Variants in CAPN2 observed in about 807,000 individuals in gnomAD.
The protein encoded by CAPN2 is calpain-2 catalytic subunit.
Under a neutral mutation model 102.3 loss-of-function variants are expected in CAPN2, and 92 were observed. That is an observed-to-expected ratio of 0.90 (90% CI 0.76 to 1.07). The LOEUF (loss-of-function observed/expected upper bound fraction) is 1.07. Among genes scored for constraint, CAPN2 ranks in the 50% least tolerant of loss-of-function variants. The pLI is 0.00. For missense variants in CAPN2, 800 were observed against 909.4 expected, an observed-to-expected ratio of 0.88 and a Z score of 1.55; for synonymous variants, 340 against 355.4, an observed-to-expected ratio of 0.96 and a Z score of 0.49.
At chr1:223,736,495 G>A (rs980934613) in intron 2 of CAPN2, among the ~76,000 whole-genome samples, 1 of 152,208 alleles carries the variant, frequency 6.6e-6, no homozygotes, top group African/African-American at 2.4e-5. Flanking sequence ...CATTTGGGAA[G>A]GTGGAAAATC....
At chr1:223,751,113 C>T (rs1660878869) in intron 7 of CAPN2, 138 bp downstream of exon 7, 1 of 781,690 alleles carries the variant, frequency 1.3e-6, no homozygotes, top group Non-Finnish European at 2.1e-6. Flanking sequence ...TGGACAGGGA[C>T]CCGTGGACAG....
At chr1:223,707,601 T>C (rs777712025), upstream of CAPN2, among the ~76,000 whole-genome samples, 6 of 152,158 alleles carry the variant, frequency 3.9e-5, no homozygotes, top group Non-Finnish European at 5.9e-5. Context: ...ATTGTATGTG[T>C]TTGCAATTAA....
rs907998136 is a variant in CAPN2 at position 223,716,272 on chromosome 1, G to A, written c.238-1490G>A. Reference sequence around the variant, plus strand: ...CTAAAGGCATTAGAAAGTTTCTGAAGTATAATGGAAAAACCCTGCTGGAGT... The same window carrying A: ...CTAAAGGCATTAGAAAGTTTCTGAAATATAATGGAAAAACCCTGCTGGAGT... On this transcript the variant is annotated intron_variant, in intron 1 of 20. Transcript: ENST00000295006. Among the ~76,000 whole-genome samples the A allele has an allele frequency of 7.2e-5, 11 of 152,216 alleles. No individual in the cohort carries two copies. The South Asian group carries it at 1.2e-3, about 17-fold the overall frequency.
At chr1:223,765,237 A>G (rs1542507) in intron 15 of CAPN2, among the ~76,000 whole-genome samples, 2,747 of 152,268 alleles carry the variant, frequency 0.018, 78 homozygotes, top group East Asian at 0.11. Context: ...GATAAAATAA[A>G]TCTGCCTTTC....
In CAPN2 at chr1:223,726,922, C is replaced by T. The variant is rs998018760; in HGVS notation, c.307+9091C>T. Among the ~76,000 whole-genome samples, 2 of 152,280 alleles carry T rather than the reference C, an allele frequency of 1.3e-5. No individual in the cohort carries two copies. Among genetic ancestry groups the T allele is most frequent in the South Asian group, 2.1e-4 (1 of 4,828 alleles). The stretch of plus-strand genomic sequence containing the variant: ...CCCTCTCGCAGGCCTAGCACGCTGG[C>T]GGGGTGTGCATTTCCTCTAGAGAAG... On this transcript the variant is annotated intron_variant, in intron 2 of 20. Transcript: ENST00000295006. This position sits in a 1 kb window ranked among gnomAD's most constrained non-coding sequence, Gnocchi z 4.4.
chr1:223,771,628 C>CAAAAG (rs1661472825), intron 18 of CAPN2, 181 bp from the exon 19 acceptor site: 1 of 597,918 alleles, frequency 1.7e-6, no homozygotes. Context: ...AGTTCAAAAA[C>CAAAAG]AAAAGAAACA....
At chr1:223,774,539 C>A (rs976904410) in intron 20 of CAPN2, among the ~76,000 whole-genome samples, 151 of 152,344 alleles carry the variant, frequency 9.9e-4, no homozygotes, top group Admixed American at 1.1e-3. Flanking sequence ...TGATGTGATA[C>A]TCTGAGGCAG....
rs1194108488 is a variant in CAPN2, at chr1:223,727,818, C to T, written c.307+9987C>T. Among the ~76,000 whole-genome samples, 1 of 152,162 alleles carries T rather than the reference C, an allele frequency of 6.6e-6. No homozygotes were observed. Among genetic ancestry groups the T allele is most frequent in the African/African-American group, 2.4e-5 (1 of 41,420 alleles). On this transcript the variant is annotated intron_variant, in intron 2 of 20. Coordinates refer to ENST00000295006, the MANE Select transcript of CAPN2 (RefSeq NM_001748.5). The surrounding 1 kb of genome is among the most constrained non-coding windows in gnomAD (Gnocchi z 4.1). The stretch of plus-strand genomic sequence containing the variant: ...AACACAGCAAAGGAGGAGAAGGGCC[C>T]TCCCTGCTTCTTGGAGAATGGTTCC...
intron 17 of CAPN2, 118 bp downstream of exon 17, chr1:223,770,027 C>G: frequency 1.1e-6 from 1 of 907,396 alleles, no homozygotes; most frequent in Non-Finnish European, 1.8e-6. Context: ...GGGATTTTAC[C>G]CATAATGAAG....
chr1:223,714,379 C>T (rs1466385844), intron 1 of CAPN2, among the ~76,000 whole-genome samples: 1 of 152,168 alleles, frequency 6.6e-6, no homozygotes, highest in Non-Finnish European at 1.5e-5. Context: ...ATGCCAGGCA[C>T]TGTCCTGAGA....
intron 16 of CAPN2, among the ~76,000 whole-genome samples, chr1:223,766,827 G>T (rs1429240901): frequency 6.6e-6 from 1 of 152,150 alleles, no homozygotes; most frequent in Non-Finnish European, 1.5e-5. Flanking sequence ...GGGTGTGGTG[G>T]CGGGCACCTG....
At chr1:223,760,433 C>T (rs984384965) in intron 12 of CAPN2, among the ~76,000 whole-genome samples, 8 of 152,138 alleles carry the variant, frequency 5.3e-5, no homozygotes, top group Non-Finnish European at 7.4e-5. Flanking sequence ...TTTCCCATGG[C>T]GAAGGGAGAC....
intron 2 of CAPN2, among the ~76,000 whole-genome samples, chr1:223,723,654 C>T (rs1189771213): frequency 3.3e-5 from 5 of 152,026 alleles, no homozygotes; most frequent in East Asian, 1.9e-4. Flanking sequence ...CTCTTGCCTT[C>T]GTGCATCTAA....
In CAPN2 at chr1:223,712,620, T is replaced by C. The variant is rs755661427; in HGVS notation, c.-21T>C. On this transcript the variant is annotated 5_prime_UTR_variant, in exon 1 of 21. Coordinates refer to ENST00000295006, the MANE Select transcript of CAPN2 (RefSeq NM_001748.5). ...GTCGCCCCGACCTTTCTCTGCGCAG[T>C]ACGGCCGCCGGGACCGCAGCATGGC... The C allele has an allele frequency of 2.0e-6, 3 of 1,507,694 alleles. No individual in the cohort carries two copies. In the South Asian group the frequency reaches 3.7e-5, roughly 19 times the overall value. The allele number at this position is 1,507,694 out of a possible 1,614,324, so 93.4% of individuals were successfully genotyped here.
chr1:223,746,477 T>TTTTTTTTTTTTTC (rs1409719246), intron 4 of CAPN2, among the ~76,000 whole-genome samples: 57 of 137,284 alleles, frequency 4.2e-4, no homozygotes, highest in Admixed American at 8.7e-4. Flanking sequence ...ACGAGAATCT[T>TTTTTTTTTTTTTC]TTTTTTTTTT....
rs776355445 is a variant in CAPN2, at chr1:223,759,373, G to A, written c.1421G>A (p.Arg474His). 6.8e-6 allele frequency: 11 copies of A among 1,614,182 alleles called. No homozygotes were observed. The highest frequency in any genetic ancestry group is 6.7e-5 in the East Asian group (3 of 44,876). Reference protein sequence around the residue: ...TFINLREVLNRFKLPPGEYIL... With the variant: ...TFINLREVLNHFKLPPGEYIL... ...ATCAACCTCCGGGAGGTGCTCAACCGCTTCAAGCTGCCGCCAGGAGAGTAC... is the reference window on the plus strand; with the variant it reads ...ATCAACCTCCGGGAGGTGCTCAACCACTTCAAGCTGCCGCCAGGAGAGTAC... The change falls in exon 12 of 21, where the codon CGC becomes CAC. Residue 474 changes from arginine (R) to histidine (H), a missense_variant. Transcript: ENST00000295006. This position sits in a 1 kb window ranked among gnomAD's most constrained non-coding sequence, Gnocchi z 4.6.
intron 1 of CAPN2, among the ~76,000 whole-genome samples, chr1:223,702,434 A>AC (rs1279571095): frequency 1.3e-5 from 2 of 151,266 alleles, no homozygotes; most frequent in East Asian, 3.9e-4. Context: ...CTAAAAAAAC[A>AC]AAAAAAAAGA....
chr1:223,719,005 C>T (rs1002385622), intron 2 of CAPN2, among the ~76,000 whole-genome samples: 1 of 124,078 alleles, frequency 8.1e-6, no homozygotes, highest in Admixed American at 7.4e-5. Flanking sequence ...GACAGACAGA[C>T]TGTGAGGAAG....
rs1268519163 is a variant in CAPN2, at chr1:223,725,819, C to T, written c.307+7988C>T. Among the ~76,000 whole-genome samples, 1 of 152,238 alleles carries T rather than the reference C, an allele frequency of 6.6e-6. No individual in the cohort carries two copies. The highest frequency in any genetic ancestry group is 1.9e-4 in the East Asian group (1 of 5,196). ...ACGTGGACTCTCTCCTATCCCAGCACATACACGTGCTTCCAGTACCTTGTG... is the reference window on the plus strand; with the variant it reads ...ACGTGGACTCTCTCCTATCCCAGCATATACACGTGCTTCCAGTACCTTGTG... On this transcript the variant is annotated intron_variant, in intron 2 of 20. Coordinates refer to ENST00000295006, the MANE Select transcript of CAPN2 (RefSeq NM_001748.5). The surrounding 1 kb of genome is among the most constrained non-coding windows in gnomAD (Gnocchi z 4.1).
Sources: gnomAD v4.1 joint callset for allele counts (sites outside exome capture counted in the v4.1 genomes callset) on GRCh38, gnomAD v4.1.1 for gene constraint, Gnocchi (gnomAD v3.1) non-coding constraint, MANE v1.5 for transcripts, NCBI Gene and HGNC (gene_info 2026-07-23, HGNC 2026-07-21) for gene names.